The following ADCY2 variants were observed in gnomAD, a reference collection of about 807,000 sequenced individuals.
ADCY2 encodes the protein adenylate cyclase type 2.
In ADCY2, 31 loss-of-function variants were observed where a neutral mutation model predicts 125.2. The ratio of observed to expected loss-of-function variants is 0.25; its 90% CI spans 0.19 to 0.33. The LOEUF is 0.33. Ranked by LOEUF, ADCY2 falls within the 10% of genes least tolerant of loss-of-function variation. ADCY2 has a pLI of 1.00. For missense variants in ADCY2, 904 were observed against 1,418.2 expected (o/e 0.64, Z 5.82); for synonymous variants, 512 against 548.4 (o/e 0.93, Z 0.93).
At chr5:7,705,668 A>C (rs62343025) in intron 7 of ADCY2, among the ~76,000 whole-genome samples, 19,378 of 152,218 alleles carry the variant, frequency 0.13, 1,324 homozygotes, top group African/African-American at 0.15. Flanking sequence ...TTTGTGGGGC[A>C]GGAAGGAAAG....
chr5:7,446,536 A>AC (rs1396579355), intron 2 of ADCY2, among the ~76,000 whole-genome samples: 43 of 149,836 alleles, frequency 2.9e-4, no homozygotes, highest in African/African-American at 1.0e-3. Flanking sequence ...TCTCTGAAAT[A>AC]AATACATACA....
At chr5:7,488,883 T>A (rs945405784) in intron 2 of ADCY2, among the ~76,000 whole-genome samples, 1 of 152,172 alleles carries the variant, frequency 6.6e-6, no homozygotes, top group Non-Finnish European at 1.5e-5. Flanking sequence ...CAGGCTCATT[T>A]GCGGTCCAGA....
At chr5:7,575,236 T>C (rs1736210240) in intron 3 of ADCY2, among the ~76,000 whole-genome samples, 2 of 152,148 alleles carry the variant, frequency 1.3e-5, no homozygotes, top group Middle Eastern at 3.2e-3. Flanking sequence ...TTTGGAAGGA[T>C]GCACATTGAA....
In ADCY2 at chr5:7,443,663, A is replaced by G. The variant is rs1276139309; in HGVS notation, c.408+28893A>G. Among the ~76,000 whole-genome samples the G allele has an allele frequency of 2.0e-5, 3 of 149,814 alleles. 1 individual carries two copies. Among genetic ancestry groups the G allele is most frequent in the Admixed American group, 6.7e-5 (1 of 15,036 alleles). On this transcript the variant is annotated intron_variant, in intron 2 of 24. Transcript: ENST00000338316. ...TCAAAAAAAAAAAAAAAAAAAAAAA[A>G]AAAAAAGGATACGTATGTGAGCACG... is the stretch of plus-strand genomic sequence containing the variant.
chr5:7,512,484 A>G (rs1046713583), intron 2 of ADCY2, among the ~76,000 whole-genome samples: 1 of 152,108 alleles, frequency 6.6e-6, no homozygotes, highest in South Asian at 2.1e-4. Flanking sequence ...TGAGGAAGAG[A>G]AAACTATTAA....
At chr5:7,478,990 T>C (rs1742621692) in intron 2 of ADCY2, among the ~76,000 whole-genome samples, 1 of 152,182 alleles carries the variant, frequency 6.6e-6, no homozygotes, top group Admixed American at 6.5e-5. Context: ...ATTTATCTTT[T>C]ATTTTATAAA....
chr5:7,670,692 A>G (rs1434797462), intron 4 of ADCY2, among the ~76,000 whole-genome samples: 2 of 152,224 alleles, frequency 1.3e-5, no homozygotes, highest in Non-Finnish European at 2.9e-5. Flanking sequence ...GTTCACCCTC[A>G]GATCATCAGT....
chr5:7,568,819 G>A lies in ADCY2; in HGVS notation c.570+47920G>A, dbSNP rs149562914. Among the ~76,000 whole-genome samples the A allele has an allele frequency of 2.5e-3, 387 of 152,210 alleles. 2 individuals carry two copies. Among genetic ancestry groups the A allele is most frequent in the African/African-American group, 9.0e-3 (372 of 41,546 alleles). On this transcript the variant is annotated intron_variant, in intron 3 of 24. Coordinates refer to ENST00000338316, the MANE Select transcript of ADCY2 (RefSeq NM_020546.3). The stretch of plus-strand genomic sequence containing the variant: ...AGAAAATGTCTTATTCTTTGTAGCC[G>A]CGTAGCTTTCCTTGCATGTGAAGTA...
chr5:7,757,045 A>G (rs989301927), intron 15 of ADCY2, among the ~76,000 whole-genome samples: 4 of 152,194 alleles, frequency 2.6e-5, no homozygotes, highest in Non-Finnish European at 2.9e-5. Flanking sequence ...GGGTTAGGAG[A>G]TGTGTTGATC....
intron 2 of ADCY2, among the ~76,000 whole-genome samples, chr5:7,457,291 C>A (rs1244359896): frequency 3.9e-5 from 6 of 152,174 alleles, no homozygotes; most frequent in African/African-American, 1.4e-4. Context: ...GTTAAACAAG[C>A]ATGCGGGCTT....
chr5:7,705,661 G>T (rs866518362), intron 7 of ADCY2, among the ~76,000 whole-genome samples: 1 of 152,226 alleles, frequency 6.6e-6, no homozygotes, highest in East Asian at 1.9e-4. Flanking sequence ...GGCTCGTTTT[G>T]TGGGGCAGGA....
chr5:7,610,151 G>T (rs1030085850), intron 3 of ADCY2, among the ~76,000 whole-genome samples: 7 of 152,322 alleles, frequency 4.6e-5, no homozygotes, highest in African/African-American at 1.7e-4. Context: ...TAGGCTAGAG[G>T]TATATCTTTG....
chr5:7,784,480 T>A, intron 19 of ADCY2, 31 bp downstream of exon 19: 3 of 1,520,954 alleles, frequency 2.0e-6, no homozygotes, highest in South Asian at 1.1e-5. Context: ...TATGTATGTA[T>A]ACCTTCTCTA....
rs978002390 is a variant in ADCY2, at chr5:7,573,409, CAG to C, written c.570+52511_570+52512del. On this transcript the variant is annotated intron_variant, in intron 3 of 24. Coordinates refer to ENST00000338316, the MANE Select transcript of ADCY2 (RefSeq NM_020546.3). Reference sequence around the variant, plus strand: ...CGTGGAGGGTGACTGGAGTGGGTGTCAGGGGTGTGTGCTCACATATTTCAGAG... The same window carrying C: ...CGTGGAGGGTGACTGGAGTGGGTGTCGGGTGTGTGCTCACATATTTCAGAG... Among the ~76,000 whole-genome samples the C allele has an allele frequency of 5.9e-5, 9 of 152,016 alleles. No homozygotes were observed. The East Asian group carries it at 9.7e-4, about 16-fold the overall frequency.
At chr5:7,613,694 G>T (rs1226764903) in intron 3 of ADCY2, among the ~76,000 whole-genome samples, 1 of 152,176 alleles carries the variant, frequency 6.6e-6, no homozygotes, top group East Asian at 1.9e-4. Context: ...TTCCCCAGAG[G>T]TTAGGTTTAT....
intron 4 of ADCY2, among the ~76,000 whole-genome samples, chr5:7,688,352 C>T (rs963079850): frequency 4.6e-5 from 7 of 152,002 alleles, no homozygotes; most frequent in African/African-American, 1.7e-4. Flanking sequence ...ACTGCAACCT[C>T]TGCCTCCCAG....
chr5:7,399,924 T>TTTTTTC (rs960349797), intron 1 of ADCY2, among the ~76,000 whole-genome samples: 11 of 152,308 alleles, frequency 7.2e-5, no homozygotes, highest in African/African-American at 2.6e-4. Flanking sequence ...GGTTTTTAAT[T>TTTTTTC]TTTTTCTTTT....
intron 3 of ADCY2, among the ~76,000 whole-genome samples, chr5:7,607,594 T>C (rs543878868): frequency 3.3e-5 from 5 of 152,346 alleles, no homozygotes; most frequent in Middle Eastern, 3.4e-3. Context: ...CCTTTCCAAT[T>C]GCTAACAACA....
intron 8 of ADCY2, 110 bp downstream of exon 8, chr5:7,707,012 G>C: frequency 7.1e-7 from 1 of 1,401,842 alleles, no homozygotes; most frequent in Admixed American, 2.3e-5. Flanking sequence ...TGTTGCCTCT[G>C]TTGGTATCAT....
Sources: allele counts gnomAD v4.1 joint callset (sites outside exome capture counted in the v4.1 genomes callset), GRCh38; gene constraint gnomAD v4.1.1; transcripts MANE v1.5; gene names NCBI Gene and HGNC (gene_info 2026-07-23, HGNC 2026-07-21).